Variants in CELF5 observed in about 807,000 individuals in gnomAD.
CELF5 encodes the protein CUG-BP and ETR-3 like factor 5.
Under a neutral mutation model 54.9 loss-of-function variants are expected in CELF5, and 6 were observed. That is an observed-to-expected ratio of 0.11 (90% confidence interval 0.06 to 0.22). The LOEUF is 0.22. CELF5 is among the 10% of genes least tolerant of loss of function. The pLI, the probability that CELF5 is intolerant of heterozygous loss-of-function variation, is 1.00. For missense variants in CELF5, 401 were observed against 678.6 expected, an observed-to-expected ratio of 0.59 and a Z score of 4.54; for synonymous variants, 271 against 290.9, an observed-to-expected ratio of 0.93 and a Z score of 0.70.
chr19:3,273,678 G>A (rs1599455773), intron 2 of CELF5, among the ~76,000 whole-genome samples, 194 bp from the exon 3 acceptor site: 1 of 152,206 alleles, frequency 6.6e-6, no homozygotes. Context: ...TGAGAGCTAA[G>A]AGTTCGCCAC....
At chr19:3,234,455 T>C (rs961085812) in intron 1 of CELF5, among the ~76,000 whole-genome samples, 1 of 152,072 alleles carries the variant, frequency 6.6e-6, no homozygotes, top group African/African-American at 2.4e-5. Context: ...CTGGAGACAT[T>C]TGTGGTTGTC....
intron 1 of CELF5, among the ~76,000 whole-genome samples, chr19:3,226,225 C>T (rs1240703274): frequency 6.6e-6 from 1 of 151,868 alleles, no homozygotes; most frequent in African/African-American, 2.4e-5. Context: ...CCCAGCGCTG[C>T]GTGCCCGGTA....
At chr19:3,277,837 C>T (rs528430275) in intron 4 of CELF5, among the ~76,000 whole-genome samples, 194 bp from the exon 5 acceptor site, 1 of 152,322 alleles carries the variant, frequency 6.6e-6, no homozygotes, top group African/African-American at 2.4e-5. Context: ...CTCCTCCATT[C>T]TGACCCTTGA....
intron 2 of CELF5, among the ~76,000 whole-genome samples, chr19:3,256,089 G>C (rs976839949): frequency 7.5e-6 from 1 of 134,222 alleles, no homozygotes; most frequent in Non-Finnish European, 1.6e-5. Context: ...GGTGCGAAGT[G>C]GATACTATTT....
chr19:3,234,247 T>TTC (rs149460217), intron 1 of CELF5, among the ~76,000 whole-genome samples: 59 of 149,984 alleles, frequency 3.9e-4, no homozygotes, highest in Non-Finnish European at 5.4e-4. Context: ...ATGTGGTTCG[T>TTC]TCTCTCTCTC....
At chr19:3,291,097 C>CA (rs1273539654) in intron 11 of CELF5, among the ~76,000 whole-genome samples, 3 of 135,980 alleles carry the variant, frequency 2.2e-5, no homozygotes, top group African/African-American at 2.5e-5. Flanking sequence ...CCCATTTCTA[C>CA]AAAAAATACA....
In CELF5 at chr19:3,281,433, A is replaced by C; in HGVS notation, c.750+88A>C. 6.9e-7 allele frequency: 1 copy of C among 1,439,314 alleles called. No individual in the cohort carries two copies. The highest frequency in any genetic ancestry group is 9.5e-7 in the Non-Finnish European group (1 of 1,057,412). The allele number at this position is 1,439,314 out of a possible 1,614,324, so 89.2% of individuals were successfully genotyped here. On this transcript the variant is annotated intron_variant, in intron 6 of 12. Coordinates refer to ENST00000292672, the MANE Select transcript of CELF5 (RefSeq NM_021938.4). This position sits in a 1 kb window ranked among gnomAD's most constrained non-coding sequence, Gnocchi z 6.5. ...CTGTCGGGCTCCTGCCTCTCCCTCC[A>C]TCTCCCTGACTCAGGGTCCTCTCCT...
At chr19:3,279,611 G>T (rs1016817497) in intron 5 of CELF5, among the ~76,000 whole-genome samples, 1 of 152,076 alleles carries the variant, frequency 6.6e-6, no homozygotes, top group Non-Finnish European at 1.5e-5. Context: ...GGAGCTGGTC[G>T]AAGGGGAAGA....
intron 2 of CELF5, among the ~76,000 whole-genome samples, chr19:3,272,064 G>A (rs1021942948): frequency 6.6e-6 from 1 of 152,204 alleles, no homozygotes; most frequent in African/African-American, 2.4e-5. Flanking sequence ...CAGCTATGCT[G>A]TGATTAGAAA....
chr19:3,267,531 G>A (rs57005834), intron 2 of CELF5, among the ~76,000 whole-genome samples: 38,977 of 152,092 alleles, frequency 0.26, 5,186 homozygotes, highest in Middle Eastern at 0.31. Flanking sequence ...CCTGGAGACA[G>A]AGAGCCCCCC....
intron 1 of CELF5, among the ~76,000 whole-genome samples, chr19:3,236,753 G>C: frequency 6.6e-6 from 1 of 151,932 alleles, no homozygotes; most frequent in Non-Finnish European, 1.5e-5. Context: ...GGGAGGCCGA[G>C]GTGGGTGATC....
chr19:3,290,590 G>GTC, intron 11 of CELF5, among the ~76,000 whole-genome samples: 1 of 143,512 alleles, frequency 7.0e-6, no homozygotes, highest in Non-Finnish European at 1.5e-5. Flanking sequence ...TTGAGACAGA[G>GTC]TCTCGCTCTG....
chr19:3,225,034 C>A, intron 1 of CELF5, 36 bp downstream of exon 1: 1 of 1,347,888 alleles, frequency 7.4e-7, no homozygotes, highest in East Asian at 3.0e-5. Context: ...CTCCCCCTCC[C>A]TCCGCCTCCC....
rs575935105 is a variant in CELF5, at chr19:3,243,502, G to A, written c.260-7483G>A. ...TGACTACGTTGCCTAGGCTGGTCTC[G>A]AACTCCTGGGCTCAAGCAATCCTTC... is the stretch of plus-strand genomic sequence containing the variant. On this transcript the variant is annotated intron_variant, in intron 1 of 12. Coordinates refer to ENST00000292672, the MANE Select transcript of CELF5 (RefSeq NM_021938.4). Among the ~76,000 whole-genome samples, 8 of 152,178 alleles carry A rather than the reference G, an allele frequency of 5.3e-5. No individual in the cohort carries two copies. The East Asian group carries it at 5.8e-4, about 11-fold the overall frequency.
At chr19:3,289,335 C>T (rs1007467274) in intron 10 of CELF5, among the ~76,000 whole-genome samples, 1 of 152,050 alleles carries the variant, frequency 6.6e-6, no homozygotes, top group Non-Finnish European at 1.5e-5. Flanking sequence ...GAAGGAGGAT[C>T]GGTTGAGCCC....
intron 2 of CELF5, among the ~76,000 whole-genome samples, chr19:3,265,499 A>G (rs1568347695): frequency 2.0e-5 from 3 of 152,188 alleles, no homozygotes; most frequent in Non-Finnish European, 4.4e-5. Context: ...ATTTGTACCC[A>G]CTTGGTTTTG....
intron 1 of CELF5, among the ~76,000 whole-genome samples, chr19:3,239,270 T>G (rs1008670980): frequency 6.9e-6 from 1 of 145,404 alleles, no homozygotes; most frequent in African/African-American, 2.5e-5. Flanking sequence ...CAGCTGTTTG[T>G]TTTTTTTTTA....
rs1051598045 is a variant in CELF5 at position 3,263,695 on chromosome 19, A to G, written c.343-10177A>G. Reference sequence around the variant, plus strand: ...TGAGGCGGGTGGATCACCTGAGGTCAGGAGTTCAAGACCAGCCTGGCCAAC... The same window carrying G: ...TGAGGCGGGTGGATCACCTGAGGTCGGGAGTTCAAGACCAGCCTGGCCAAC... On this transcript the variant is annotated intron_variant, in intron 2 of 12. Coordinates refer to ENST00000292672, the MANE Select transcript of CELF5 (RefSeq NM_021938.4). Among the ~76,000 whole-genome samples, 6 of 152,206 alleles carry G rather than the reference A, an allele frequency of 3.9e-5. No homozygotes were observed. The South Asian group carries it at 1.2e-3, about 31-fold the overall frequency.
chr19:3,250,352 G>A (rs1046223660), intron 1 of CELF5, among the ~76,000 whole-genome samples: 17 of 152,148 alleles, frequency 1.1e-4, no homozygotes, highest in Non-Finnish European at 2.1e-4. Context: ...AGCCAAGCAT[G>A]GTGGCGGGCG....
Sources: gnomAD v4.1 joint callset for allele counts (sites outside exome capture counted in the v4.1 genomes callset) on GRCh38, gnomAD v4.1.1 for gene constraint, Gnocchi (gnomAD v3.1) non-coding constraint, MANE v1.5 for transcripts, NCBI Gene and HGNC (gene_info 2026-07-23, HGNC 2026-07-21) for gene names.